ZNF469: variants seen among roughly 807,000 people sequenced by gnomAD.
ZNF469 encodes the protein zinc finger protein 469.
Under a neutral mutation model 1.0 loss-of-function variants are expected in ZNF469, and 1 was observed. The ratio of observed to expected loss-of-function variants is 1.00; its 90% CI spans 0.35 to 4.73. ZNF469 has a LOEUF of 4.73. Ranked by LOEUF, ZNF469 falls within the 30% of genes most tolerant of loss-of-function variation. The pLI, the probability that ZNF469 is intolerant of heterozygous loss-of-function variation, is 0.16. For synonymous variants in ZNF469, 2,703 were observed against 2,363.4 expected, an observed-to-expected ratio of 1.14 and a Z score of -4.17; for missense variants, 6,100 against 5,356.3, an observed-to-expected ratio of 1.14 and a Z score of -4.33.
At chr16:88,102,471 C>T in the ZNF469 span, among the ~76,000 whole-genome samples, 1 of 152,366 alleles carries the variant, frequency 6.6e-6, no homozygotes, top group East Asian at 1.9e-4. Flanking sequence ...CATTGCACTC[C>T]AGCCTGGGGG....
chr16:88,109,240 G>GC, the ZNF469 span, among the ~76,000 whole-genome samples: 1 of 152,154 alleles, frequency 6.6e-6, no homozygotes, highest in African/African-American at 2.4e-5. Flanking sequence ...TGTGGGTGAG[G>GC]CCCCAACAGT....
At chr16:88,378,258 G>A (rs1030171330), upstream of ZNF469, among the ~76,000 whole-genome samples, 13 of 152,304 alleles carry the variant, frequency 8.5e-5, no homozygotes, top group Admixed American at 1.3e-4. Flanking sequence ...AGGGGGCACC[G>A]GGGCCGGGCC....
the ZNF469 span, among the ~76,000 whole-genome samples, chr16:88,343,621 G>C: frequency 6.6e-6 from 1 of 152,116 alleles, no homozygotes; most frequent in Non-Finnish European, 1.5e-5. Flanking sequence ...TGCTGGTGGG[G>C]ACTCTGCAGC....
chr16:88,152,295 G>A, the ZNF469 span, among the ~76,000 whole-genome samples: 1 of 152,260 alleles, frequency 6.6e-6, no homozygotes, highest in Admixed American at 6.5e-5. The surrounding 1 kb of genome is among the most constrained non-coding windows in gnomAD (Gnocchi z 4.2). Flanking sequence ...TTTGGCGTTG[G>A]AAAAGTCACG....
At chr16:88,381,887 T>C (rs1037483523), upstream of ZNF469, among the ~76,000 whole-genome samples, 7 of 152,220 alleles carry the variant, frequency 4.6e-5, no homozygotes, top group African/African-American at 1.7e-4. Context: ...GGCCCACTCA[T>C]TGGCTCCACC....
chr16:88,406,878 C>G (rs1905041025), intron 1 of ZNF469, among the ~76,000 whole-genome samples: 1 of 152,218 alleles, frequency 6.6e-6, no homozygotes, highest in Non-Finnish European at 1.5e-5. Context: ...CCCAGGTCTC[C>G]TGATTCCCCC....
the ZNF469 span, among the ~76,000 whole-genome samples, chr16:88,218,736 C>T: frequency 6.6e-6 from 1 of 151,922 alleles, no homozygotes; most frequent in South Asian, 2.1e-4. Context: ...CTCACCACTC[C>T]TATTCCACAT....
chr16:88,246,264 C>T, the ZNF469 span, among the ~76,000 whole-genome samples: 1 of 152,250 alleles, frequency 6.6e-6, no homozygotes, highest in Non-Finnish European at 1.5e-5. Flanking sequence ...ATTTATTCAT[C>T]CCTTCTGTAT....
chr16:88,383,657 A>G (rs1041225446), intron 1 of ZNF469, among the ~76,000 whole-genome samples: 1 of 150,692 alleles, frequency 6.6e-6, no homozygotes, highest in African/African-American at 2.4e-5. Flanking sequence ...GGGCCGCCCC[A>G]TTCATCGCGG....
chr16:88,263,741 A>G, the ZNF469 span, among the ~76,000 whole-genome samples: 1 of 151,956 alleles, frequency 6.6e-6, no homozygotes, highest in Non-Finnish European at 1.5e-5. Context: ...ACTTTGTGGG[A>G]AGGGCCCTGC....
the ZNF469 span, among the ~76,000 whole-genome samples, chr16:88,358,798 A>G: frequency 3.2e-3 from 484 of 149,494 alleles, 6 homozygotes; most frequent in African/African-American, 0.011. Flanking sequence ...GGCTCACTGC[A>G]AACTCCACCT....
chr16:88,292,795 T>C, the ZNF469 span, among the ~76,000 whole-genome samples: 4 of 58,584 alleles, frequency 6.8e-5, no homozygotes, highest in Non-Finnish European at 1.3e-4. Context: ...CACCCTGTGT[T>C]ATCAAAAAAA....
At chr16:88,236,772 C>G in the ZNF469 span, among the ~76,000 whole-genome samples, 1 of 151,314 alleles carries the variant, frequency 6.6e-6, no homozygotes, top group Admixed American at 6.6e-5. Flanking sequence ...GAGGCTGAGG[C>G]AAGAGAATCG....
chr16:88,194,916 TC>T, the ZNF469 span: 1 of 152,338 alleles, frequency 6.6e-6, no homozygotes. Flanking sequence ...CACGTCGCTG[TC>T]CCAGGGAACG....
At chr16:88,380,774 A>G (rs1202620366), upstream of ZNF469, among the ~76,000 whole-genome samples, 1 of 147,540 alleles carries the variant, frequency 6.8e-6, no homozygotes, top group Non-Finnish European at 1.5e-5. Flanking sequence ...GTCCTCACAC[A>G]CATGCACTCA....
the ZNF469 span, among the ~76,000 whole-genome samples, chr16:88,276,262 A>G: frequency 6.6e-6 from 1 of 151,980 alleles, no homozygotes; most frequent in African/African-American, 2.4e-5. Context: ...GTGTGCTAAA[A>G]CCATCCAAGC....
chr16:88,226,648 G>A, the ZNF469 span, among the ~76,000 whole-genome samples: 2 of 151,970 alleles, frequency 1.3e-5, no homozygotes, highest in Non-Finnish European at 2.9e-5. Flanking sequence ...TCCAGACACC[G>A]ATGGTGCTGG....
the ZNF469 span, among the ~76,000 whole-genome samples, chr16:88,354,806 C>T: frequency 6.6e-6 from 1 of 152,210 alleles, no homozygotes; most frequent in African/African-American, 2.4e-5. Context: ...ACCCTAGACC[C>T]ACCTTGGTCA....
chr16:88,306,350 CTG>C, the ZNF469 span, among the ~76,000 whole-genome samples: 1 of 152,252 alleles, frequency 6.6e-6, no homozygotes. Context: ...CCTCTGCCTC[CTG>C]TGTGAGGGCT....
Sources: gnomAD v4.1 joint callset for allele counts (sites outside exome capture counted in the v4.1 genomes callset) on GRCh38, gnomAD v4.1.1 for gene constraint, Gnocchi (gnomAD v3.1) non-coding constraint, MANE v1.5 for transcripts, NCBI Gene and HGNC (gene_info 2026-07-23, HGNC 2026-07-21) for gene names.